The following ADAMTS16 variants were observed in gnomAD, a reference collection of about 807,000 sequenced individuals.
The protein encoded by ADAMTS16 is ADAM metallopeptidase with thrombospondin type 1 motif 16.
A neutral mutation model predicts 145.8 loss-of-function variants in ADAMTS16; 94 were observed. The observed-to-expected ratio is 0.64, with a 90% confidence interval of 0.55 to 0.77. The LOEUF (loss-of-function observed/expected upper bound fraction) is 0.77. Among genes scored for constraint, ADAMTS16 ranks in the 30% least tolerant of loss-of-function variants. The pLI is 0.00. For missense variants in ADAMTS16, 1,585 were observed against 1,591.5 expected (o/e 1.00, Z 0.07); for synonymous variants, 659 against 604.3 (o/e 1.09, Z -1.33).
At chr5:5,318,495 G>A (rs965197559) in intron 22 of ADAMTS16, among the ~76,000 whole-genome samples, 1 of 152,166 alleles carries the variant, frequency 6.6e-6, no homozygotes, top group Non-Finnish European at 1.5e-5. Flanking sequence ...AGTGACATAA[G>A]CGTGACTTCT....
intron 4 of ADAMTS16, among the ~76,000 whole-genome samples, chr5:5,182,752 C>T (rs1194412569): frequency 6.6e-6 from 1 of 152,036 alleles, no homozygotes; most frequent in Non-Finnish European, 1.5e-5. Context: ...CATAGTAGAC[C>T]TGCGATTTAT....
intron 3 of ADAMTS16, among the ~76,000 whole-genome samples, chr5:5,179,218 G>A (rs1335025374): frequency 6.6e-6 from 1 of 150,618 alleles, no homozygotes; most frequent in East Asian, 1.9e-4. Context: ...GTATGAGAAT[G>A]GGATGATAAA....
rs745524543 is a variant in ADAMTS16, at chr5:5,146,403, C to T, written c.449C>T (p.Ser150Phe). The T allele has an allele frequency of 2.5e-6, 4 of 1,613,624 alleles. No individual in the cohort carries two copies. The highest frequency in any genetic ancestry group is 3.4e-6 in the Non-Finnish European group (4 of 1,180,038). ...PPEDFCFYQG[S>F]LRSHRNSSVA... ...GAGGACTTCTGTTTCTATCAAGGCTCTTTGCGATCACACAGAAACTCCTCA... is the reference window on the plus strand; with the variant it reads ...GAGGACTTCTGTTTCTATCAAGGCTTTTTGCGATCACACAGAAACTCCTCA... Residue 150 changes from serine to phenylalanine, a missense_variant, in exon 3 of 23, where the codon TCT becomes TTT. This residue lies in a region of ADAMTS16 where 453 missense variants were observed against 412.1 expected (regional missense o/e 1.10). Transcript: ENST00000274181.
chr5:5,307,865 C>T (rs1740246553), intron 21 of ADAMTS16, among the ~76,000 whole-genome samples: 1 of 152,180 alleles, frequency 6.6e-6, no homozygotes, highest in Non-Finnish European at 1.5e-5. Context: ...GGGTCCTAGA[C>T]ATGGTCCTGC....
Position 5,140,558 on chromosome 5 carries a change from C to G in ADAMTS16, c.72+19C>G, listed in dbSNP as rs1477026004. ...CGAGCAGGTGAGTCCCGGGCGCTCC[C>G]ACCAGCGCGGAAACCGCGGGTCCGG... On this transcript the variant is annotated intron_variant, in intron 1 of 22. Coordinates refer to ENST00000274181, the MANE Select transcript of ADAMTS16 (RefSeq NM_139056.4). 2 of 1,502,976 alleles carry G rather than the reference C, an allele frequency of 1.3e-6. No individual in the cohort carries two copies. The highest frequency in any genetic ancestry group is 1.8e-6 in the Non-Finnish European group (2 of 1,134,066). The allele number at this position is 1,502,976 out of a possible 1,614,324, so 93.1% of individuals were successfully genotyped here.
intron 21 of ADAMTS16, among the ~76,000 whole-genome samples, chr5:5,313,619 C>A (rs770538394): frequency 6.6e-6 from 1 of 152,198 alleles, no homozygotes; most frequent in Non-Finnish European, 1.5e-5. Context: ...ACAATTTGGT[C>A]AATTTGTGAC....
chr5:5,164,041 T>G (rs535710990), intron 3 of ADAMTS16, among the ~76,000 whole-genome samples: 2 of 152,142 alleles, frequency 1.3e-5, no homozygotes, highest in East Asian at 3.9e-4. Context: ...GGCAGAATAT[T>G]TGGGGAAGGA....
chr5:5,198,307 G>A (rs536319535), intron 8 of ADAMTS16, among the ~76,000 whole-genome samples: 1 of 152,234 alleles, frequency 6.6e-6, no homozygotes, highest in South Asian at 2.1e-4. Flanking sequence ...TCTGCCATGT[G>A]GTTACCCTGG....
intron 21 of ADAMTS16, among the ~76,000 whole-genome samples, chr5:5,307,768 C>T (rs1481701618): frequency 2.0e-5 from 3 of 152,182 alleles, no homozygotes; most frequent in Admixed American, 6.5e-5. Flanking sequence ...GCTCCCACAG[C>T]GCTAGTGAGA....
intron 4 of ADAMTS16, among the ~76,000 whole-genome samples, chr5:5,182,691 T>C (rs1579293809): frequency 6.6e-6 from 1 of 152,246 alleles, no homozygotes; most frequent in East Asian, 1.9e-4. Flanking sequence ...GTAATTCATT[T>C]ATATGCATGC....
intron 10 of ADAMTS16, among the ~76,000 whole-genome samples, chr5:5,215,700 ATATATATATATATGTGG>A (rs1417304562): frequency 8.2e-6 from 1 of 121,338 alleles, no homozygotes; most frequent in African/African-American, 3.7e-5. Context: ...TCCATTACAT[ATATATATATATATGTGG>A]TATATATATA....
chr5:5,212,006 A>C (rs920628113), intron 10 of ADAMTS16, among the ~76,000 whole-genome samples: 1 of 152,124 alleles, frequency 6.6e-6, no homozygotes, highest in Non-Finnish European at 1.5e-5. Context: ...ATGAATATAA[A>C]TTCTGCAGTG....
chr5:5,238,640 A>G lies in ADAMTS16; in HGVS notation c.2155-511A>G, dbSNP rs139526744. The stretch of plus-strand genomic sequence containing the variant: ...TTCTCTTTGTTAGAAAGTGTAATAC[A>G]AACAAACATCAGAGTAATTTTAAAG... On this transcript the variant is annotated intron_variant, in intron 14 of 22. Transcript: ENST00000274181. Among the ~76,000 whole-genome samples the G allele has an allele frequency of 1.9e-3, 291 of 152,330 alleles. 1 individual carries two copies. The highest frequency in any genetic ancestry group is 3.3e-3 in the Non-Finnish European group (223 of 68,032).
At chr5:5,181,384 A>AT (rs1291198611) in intron 3 of ADAMTS16, among the ~76,000 whole-genome samples, 22 of 152,096 alleles carry the variant, frequency 1.4e-4, no homozygotes, top group African/African-American at 4.3e-4. Context: ...AAAGCAATCG[A>AT]TTTTGTCTCT....
chr5:5,258,884 G>A (rs1442539521), intron 17 of ADAMTS16, among the ~76,000 whole-genome samples: 1 of 152,034 alleles, frequency 6.6e-6, no homozygotes, highest in Non-Finnish European at 1.5e-5. Context: ...ATTCTTGGGT[G>A]TGTATGTATA....
At chr5:5,289,547 T>G (rs868049886) in intron 18 of ADAMTS16, among the ~76,000 whole-genome samples, 13 of 152,384 alleles carry the variant, frequency 8.5e-5, no homozygotes, top group Middle Eastern at 3.4e-3. Flanking sequence ...CCAACAGGTC[T>G]ATCTTGTAAG....
chr5:5,156,489 A>G (rs955491644), intron 3 of ADAMTS16, among the ~76,000 whole-genome samples: 1 of 152,204 alleles, frequency 6.6e-6, no homozygotes, highest in African/African-American at 2.4e-5. Context: ...CCAGCCTTAT[A>G]TAGGGAAAGG....
In ADAMTS16 at chr5:5,222,667, A is replaced by C. The variant is rs907287010; in HGVS notation, c.1606-122A>C. 5 of 745,686 alleles carry C rather than the reference A, an allele frequency of 6.7e-6. No individual in the cohort carries two copies. In the African/African-American group the frequency reaches 8.7e-5, roughly 13 times the overall value. 46.2% of individuals were successfully genotyped at this position (745,686 alleles called of 1,614,324 possible). ...TCTATTATATGCTATCATATTGCTA[A>C]GTAGGCATTCGCTTGTAAATTATAT... On this transcript the variant is annotated intron_variant, in intron 10 of 22. Coordinates refer to ENST00000274181, the MANE Select transcript of ADAMTS16 (RefSeq NM_139056.4).
intron 2 of ADAMTS16, among the ~76,000 whole-genome samples, chr5:5,144,690 A>G (rs935779702): frequency 6.6e-6 from 1 of 152,192 alleles, no homozygotes; most frequent in Non-Finnish European, 1.5e-5. Flanking sequence ...CGTTTGAAAG[A>G]GGTGGCCGGT....
Sources: allele counts gnomAD v4.1 joint callset (sites outside exome capture counted in the v4.1 genomes callset), GRCh38; gene constraint gnomAD v4.1.1; regional missense constraint gnomAD v4.1.1; transcripts MANE v1.5; gene names NCBI Gene and HGNC (gene_info 2026-07-23, HGNC 2026-07-21).